MMP25: variants seen among roughly 807,000 people sequenced by gnomAD.
The protein encoded by MMP25 is matrix metalloproteinase-25.
In MMP25, 68 loss-of-function variants were observed where a neutral mutation model predicts 62.1. The observed-to-expected ratio is 1.10, with a 90% CI of 0.90 to 1.34. The LOEUF (loss-of-function observed/expected upper bound fraction) is 1.34. Among genes scored for constraint, MMP25 ranks in the 40% most tolerant of loss-of-function variants. The probability of loss-of-function intolerance (pLI) is 0.00; values close to 1 mark genes in which losing one functional copy is unlikely to be tolerated. For missense variants in MMP25, 942 were observed against 792.5 expected (o/e 1.19, Z -2.26); for synonymous variants, 407 against 345.6 (o/e 1.18, Z -1.97).
At position 3,058,290 on chromosome 16, in the gene MMP25, C is replaced by T; in HGVS notation, c.1116C>T (p.Ala372=). The T allele has an allele frequency of 1.2e-6, 2 of 1,607,220 alleles. No individual in the cohort carries two copies. The highest frequency in any genetic ancestry group is 1.7e-6 in the Non-Finnish European group (2 of 1,178,140). Residue 372 remains alanine (A), a synonymous_variant, in exon 8 of 10, where the codon GCC becomes GCT. Transcript: ENST00000336577. ...CCGCCCAGGTGAGGGTGGTGCAGGC[C>T]GCCTATGCTCGGCACCGAGACGGCC... ...GLPAQVRVVQ[A]AYARHRDGRI... is the part of the protein sequence containing the mutation.
chr16:3,050,073 G>C lies in MMP25; in HGVS notation c.297G>C (p.Ala99=), dbSNP rs373405202. ...RCSLPDVLGV[A]GLVRRRRRYA... is the part of the protein sequence containing the mutation. ...CCCTGCCTGACGTGCTGGGGGTGGC[G>C]GGGCTGGTCAGGCGGCGTCGCCGGT... The change falls in exon 3 of 10, where the codon GCG becomes GCC. Residue 99 remains alanine, a synonymous_variant. Coordinates refer to ENST00000336577, the MANE Select transcript of MMP25 (RefSeq NM_022468.5). 1.3e-5 allele frequency: 21 copies of C among 1,611,140 alleles called. No individual in the cohort carries two copies. The African/African-American group carries it at 1.7e-4, about 13-fold the overall frequency.
chr16:3,055,787 C>T (rs768933991), intron 4 of MMP25: 9 of 454,104 alleles, frequency 2.0e-5, no homozygotes, highest in Non-Finnish European at 3.5e-5. Context: ...CTGGGGCCTC[C>T]CTGTGGTGCT....
rs934624761 is a variant in MMP25 at position 3,058,640 on chromosome 16, C to G, written c.1388C>G (p.Ser463Cys). ...AGCCTCTGGGAAGGCGCGCCCCCCT[C>G]CCCTGACGATGTCACCGTCAGCAAC... Reference protein sequence around the residue: ...DLSLWEGAPPSPDDVTVSNAG... With the variant: ...DLSLWEGAPPCPDDVTVSNAG... Residue 463 changes from serine to cysteine, a missense_variant, in exon 9 of 10, where the codon TCC (serine) becomes TGC (cysteine). Coordinates refer to ENST00000336577, the MANE Select transcript of MMP25 (RefSeq NM_022468.5). The G allele has an allele frequency of 1.9e-6, 3 of 1,603,840 alleles. No homozygotes were observed. The African/African-American group carries it at 4.0e-5, about 21-fold the overall frequency.
Position 3,050,265 on chromosome 16 carries a change from TC to T in MMP25, c.385del (p.Gln129ArgfsTer5). On this transcript the variant is annotated frameshift_variant, in exon 4 of 10. Coordinates refer to ENST00000336577, the MANE Select transcript of MMP25 (RefSeq NM_022468.5). LOFTEE classifies it high-confidence loss of function. ...TCCCCTCTCCCCAGGGTACGTTCCT[TC>T]CCCCAGAGCTCCCAGCTGAGCCAGG... Reference protein sequence around the residue: ...KRTLTWRVRSFPQSSQLSQET... With the variant: ...KRTLTWRVRSXPQSSQLSQET... 6.3e-7 allele frequency: 1 copy of T among 1,597,146 alleles called. No homozygotes were observed. Among genetic ancestry groups the T allele is most frequent in the Non-Finnish European group, 8.6e-7 (1 of 1,169,032 alleles).
At position 3,047,557 on chromosome 16, in the gene MMP25, C is replaced by T; in HGVS notation, c.232+10C>T. The T allele has an allele frequency of 6.2e-7, 1 of 1,610,516 alleles. No homozygotes were observed. Among genetic ancestry groups the T allele is most frequent in the South Asian group, 1.1e-5 (1 of 90,786 alleles). The stretch of plus-strand genomic sequence containing the variant: ...GAGACCGGCCGCATGGGTAGGTGGC[C>T]CCCACCCCTCCCCAGCCCTGCCTCT... On this transcript the variant is annotated intron_variant, in intron 2 of 9. Transcript: ENST00000336577.
At position 3,047,447 on chromosome 16, in the gene MMP25, AC is replaced by A; in HGVS notation, c.136del (p.His46ThrfsTer65). 1.9e-6 allele frequency: 3 copies of A among 1,613,426 alleles called. No homozygotes were observed. The highest frequency in any genetic ancestry group is 2.5e-6 in the Non-Finnish European group (3 of 1,179,846). On this transcript the variant is annotated frameshift_variant, in exon 2 of 10. Transcript: ENST00000336577. LOFTEE classifies it high-confidence loss of function. ...WLTRYGYLPPPHPAQAQLQSP... is the reference protein window; with the variant it reads ...WLTRYGYLPPXHPAQAQLQSP... ...TGACTCGCTATGGTTACCTGCCGCCACCCCACCCTGCCCAGGCCCAGCTGCA... is the reference window on the plus strand; with the variant it reads ...TGACTCGCTATGGTTACCTGCCGCCACCCACCCTGCCCAGGCCCAGCTGCA...
intron 4 of MMP25, chr16:3,053,806 G>A (rs921607829): frequency 8.5e-5 from 13 of 152,056 alleles, no homozygotes; most frequent in African/African-American, 3.1e-4. Context: ...AGCCCAGTAA[G>A]TTACATTGGC....
rs1349469020 is a variant in MMP25 at position 3,057,174 on chromosome 16, C to G, written c.803C>G (p.Ser268Cys). The G allele has an allele frequency of 1.2e-6, 2 of 1,612,876 alleles. No individual in the cohort carries two copies. The highest frequency in any genetic ancestry group is 1.1e-5 in the South Asian group (1 of 90,902). The change falls in exon 5 of 10, where the codon TCT (serine) becomes TGT (cysteine). Residue 268 changes from serine (S) to cysteine (C), a missense_variant. Transcript: ENST00000336577. ...PVGDPDKYRL[S>C]QDDRDGLQQL... Reference sequence around the variant, plus strand: ...GGCGACCCTGACAAGTACCGCCTGTCTCAGGATGACCGCGATGGCCTGCAG... The same window carrying G: ...GGCGACCCTGACAAGTACCGCCTGTGTCAGGATGACCGCGATGGCCTGCAG...
At position 3,057,300 on chromosome 16, in the gene MMP25, T is replaced by C. The variant is rs1313119592; in HGVS notation, c.839-10T>C. The C allele has an allele frequency of 6.2e-7, 1 of 1,613,966 alleles. No homozygotes were observed. The highest frequency in any genetic ancestry group is 8.5e-7 in the Non-Finnish European group (1 of 1,179,928). On this transcript the variant is annotated splice_polypyrimidine_tract_variant and intron_variant, in intron 5 of 9. Coordinates refer to ENST00000336577, the MANE Select transcript of MMP25 (RefSeq NM_022468.5). ...AGGGGACGCACACCTGCCTGACTCT[T>C]TCCTCACAGGGAAGGCGCCCCAAAC...
In MMP25 at chr16:3,047,442, C is replaced by T; in HGVS notation, c.127C>T (p.Pro43Ser). 2 of 1,613,644 alleles carry T rather than the reference C, an allele frequency of 1.2e-6. No individual in the cohort carries two copies. The highest frequency in any genetic ancestry group is 1.7e-6 in the Non-Finnish European group (2 of 1,179,844). The change falls in exon 2 of 10, where the codon CCG becomes TCG. Residue 43 changes from proline (P) to serine (S), a missense_variant. Physicochemically the swap from Pro to Ser is moderately conservative, Grantham distance 74. Coordinates refer to ENST00000336577, the MANE Select transcript of MMP25 (RefSeq NM_022468.5). ...VDWLTRYGYL[P>S]PPHPAQAQLQ... ...CTGGCTGACTCGCTATGGTTACCTG[C>T]CGCCACCCCACCCTGCCCAGGCCCA... is the stretch of plus-strand genomic sequence containing the variant.
chr16:3,053,475 G>C (rs1464849736), intron 4 of MMP25: 4 of 152,338 alleles, frequency 2.6e-5, no homozygotes, highest in African/African-American at 9.7e-5. Flanking sequence ...CCTGCTGGTG[G>C]CGTGGGCTTG....
rs1269543839 is a variant in MMP25, at chr16:3,060,310, G to A, written c.*1212G>A. The A allele has an allele frequency of 2.6e-5, 4 of 152,330 alleles. No individual in the cohort carries two copies. Among genetic ancestry groups the A allele is most frequent in the African/African-American group, 9.7e-5 (4 of 41,410 alleles). 9.4% of individuals were successfully genotyped at this position (152,330 alleles called of 1,614,324 possible). On this transcript the variant is annotated 3_prime_UTR_variant, in exon 10 of 10. Coordinates refer to ENST00000336577, the MANE Select transcript of MMP25 (RefSeq NM_022468.5). The stretch of plus-strand genomic sequence containing the variant: ...GAATCTGCATTTTAACTAGTCGCGG[G>A]GATTGTGGGGGGCAGTAGCTGGCTG...
chr16:3,046,993 G>A lies in MMP25; in HGVS notation c.76G>A (p.Ala26Thr). The A allele has an allele frequency of 6.8e-7, 1 of 1,472,372 alleles. No homozygotes were observed. The highest frequency in any genetic ancestry group is 8.9e-7 in the Non-Finnish European group (1 of 1,120,056). 91.2% of individuals were successfully genotyped at this position (1,472,372 alleles called of 1,614,324 possible). ...GCCCGCGCGCGCCCCGAAGCCCTCGGCGCAGGACGTGAGCCTGGGCGTGGT... is the reference window on the plus strand; with the variant it reads ...GCCCGCGCGCGCCCCGAAGCCCTCGACGCAGGACGTGAGCCTGGGCGTGGT... ...APPARAPKPSAQDVSLGVDWL... is the reference protein window; with the variant it reads ...APPARAPKPSTQDVSLGVDWL... The change falls in exon 1 of 10, where the codon GCG (alanine) becomes ACG (threonine). Residue 26 changes from alanine to threonine, a missense_variant. Physicochemically the swap from Ala to Thr is moderately conservative, Grantham distance 58 (BLOSUM62 0). Transcript: ENST00000336577.
chr16:3,055,647 C>A (rs145433898), intron 4 of MMP25: 2 of 347,650 alleles, frequency 5.8e-6, no homozygotes, highest in East Asian at 1.5e-4. Flanking sequence ...CATGCTTAGA[C>A]GCTCAGCGAG....
rs780102636 is a variant in MMP25 at position 3,047,538 on chromosome 16, G to T, written c.223G>T (p.Gly75Cys). 24 of 1,613,000 alleles carry T rather than the reference G, an allele frequency of 1.5e-5. No individual in the cohort carries two copies. In the South Asian group the frequency reaches 2.4e-4, roughly 16 times the overall value. ...GAGGTTCGCGGGGCTGCCGGAGACC[G>T]GCCGCATGGGTAGGTGGCCCCCACC... ...MQRFAGLPET[G>C]RMDPGTVATM... The change falls in exon 2 of 10, where the codon GGC (glycine) becomes TGC (cysteine). Residue 75 changes from glycine (G) to cysteine (C), a missense_variant. Gly to Cys is a radical substitution (Grantham distance 159, BLOSUM62 -3). Transcript: ENST00000336577.
Position 3,058,505 on chromosome 16 carries a change from C to T in MMP25, c.1253C>T (p.Ala418Val), listed in dbSNP as rs1956055555. 2 of 1,610,020 alleles carry T rather than the reference C, an allele frequency of 1.2e-6. No individual in the cohort carries two copies. The highest frequency in any genetic ancestry group is 1.7e-6 in the Non-Finnish European group (2 of 1,178,966). Residue 418 changes from alanine (A) to valine (V), a missense_variant, in exon 9 of 10, where the codon GCC becomes GTC. Physicochemically the swap from Ala to Val is moderately conservative, Grantham distance 64 (BLOSUM62 0). Coordinates refer to ENST00000336577, the MANE Select transcript of MMP25 (RefSeq NM_022468.5). ...LGLPPGEEVD[A>V]VFSWPQNGKT... ...CTGCCCCCGGGAGAGGAGGTGGACG[C>T]CGTGTTCTCGTGGCCACAGAACGGG...
In MMP25 at chr16:3,059,066, C is replaced by T. The variant is rs575147898; in HGVS notation, c.1657C>T (p.Pro553Ser). 3.2e-6 allele frequency: 5 copies of T among 1,549,940 alleles called. No individual in the cohort carries two copies. Among genetic ancestry groups the T allele is most frequent in the Non-Finnish European group, 3.5e-6 (4 of 1,146,208 alleles). The change falls in exon 10 of 10, where the codon CCC becomes TCC. Residue 553 changes from proline to serine, a missense_variant. Transcript: ENST00000336577. ...WPAPIPLLLL[P>S]LLVGGVASR ...TGCTCCCATCCCGCTGCTCCTCTTGCCCCTGCTGGTGGGGGGTGTAGCCTC... is the reference window on the plus strand; with the variant it reads ...TGCTCCCATCCCGCTGCTCCTCTTGTCCCTGCTGGTGGGGGGTGTAGCCTC...
rs757540476 is a variant in MMP25 at position 3,050,441 on chromosome 16, G to A, written c.556G>A (p.Asp186Asn). ...RAFHQDSYPF[D>N]GLGGTLAHAF... ...CTTCCACCAGGACAGCTACCCCTTC[G>A]ACGGGTTGGGGGGCACCCTAGCCCA... Residue 186 changes from aspartate to asparagine, a missense_variant, in exon 4 of 10, where the codon GAC becomes AAC. Coordinates refer to ENST00000336577, the MANE Select transcript of MMP25 (RefSeq NM_022468.5). 2.1e-5 allele frequency: 34 copies of A among 1,613,750 alleles called. No individual in the cohort carries two copies. The highest frequency in any genetic ancestry group is 5.3e-5 in the African/African-American group (4 of 74,918).
chr16:3,055,183 G>A (rs913963185), intron 4 of MMP25, among the ~76,000 whole-genome samples: 1 of 152,074 alleles, frequency 6.6e-6, no homozygotes, highest in Non-Finnish European at 1.5e-5. Context: ...AGGTGCCGGG[G>A]CCCCTGTGGA....
Sources: allele counts gnomAD v4.1 joint callset (sites outside exome capture counted in the v4.1 genomes callset), GRCh38; gene constraint gnomAD v4.1.1; transcripts MANE v1.5; gene names NCBI Gene and HGNC (gene_info 2026-07-23, HGNC 2026-07-21).